NCOA7: variants seen among roughly 807,000 people sequenced by gnomAD.
NCOA7 encodes nuclear receptor coactivator 7, also known as 140 kDa estrogen receptor-associated protein.
In NCOA7, 45 loss-of-function variants were observed where a neutral mutation model predicts 104.3. That is an observed-to-expected ratio of 0.43 (90% CI 0.34 to 0.55). NCOA7 has a LOEUF of 0.55. Among genes scored for constraint, NCOA7 ranks in the 20% least tolerant of loss-of-function variants. The pLI is 0.02. For missense variants in NCOA7, 1,041 were observed against 1,119.7 expected, an observed-to-expected ratio of 0.93 and a Z score of 1.00; for synonymous variants, 398 against 402.3, an observed-to-expected ratio of 0.99 and a Z score of 0.13.
intron 2 of NCOA7, chr6:125,818,911 CAAGGG>C (rs1777865213): frequency 6.6e-6 from 1 of 152,284 alleles, no homozygotes; most frequent in Non-Finnish European, 1.5e-5. Flanking sequence ...AATGTCAGGC[CAAGGG>C]TGAGGCCAAA....
At chr6:125,856,681 C>T (rs1157115305) in intron 3 of NCOA7, among the ~76,000 whole-genome samples, 1 of 151,628 alleles carries the variant, frequency 6.6e-6, no homozygotes, top group Non-Finnish European at 1.5e-5. Flanking sequence ...AACCTTCCAA[C>T]AGTGTTGGAA....
At chr6:125,877,064 G>A (rs1279130329) in intron 4 of NCOA7, among the ~76,000 whole-genome samples, 1 of 152,152 alleles carries the variant, frequency 6.6e-6, no homozygotes, top group Non-Finnish European at 1.5e-5. Context: ...TTTTAGTGGA[G>A]ATGGTTTTAC....
chr6:125,829,390 T>C (rs1778949054), intron 2 of NCOA7, among the ~76,000 whole-genome samples: 1 of 152,236 alleles, frequency 6.6e-6, no homozygotes, highest in Admixed American at 6.5e-5. Context: ...GATTTTAATA[T>C]ATTAGTGTAT....
intron 3 of NCOA7, among the ~76,000 whole-genome samples, chr6:125,855,787 A>C (rs1781501106): frequency 6.6e-6 from 1 of 151,790 alleles, no homozygotes; most frequent in East Asian, 1.9e-4. Context: ...AGGTTCAAGC[A>C]ATTCTCCTGC....
intron 10 of NCOA7, 45 bp downstream of exon 10, chr6:125,890,855 G>T: frequency 7.0e-7 from 1 of 1,419,534 alleles, no homozygotes; most frequent in South Asian, 1.7e-5. Context: ...TGTTAGGTTT[G>T]GATGGCGTTT....
chr6:125,798,335 C>T (rs963294605), intron 1 of NCOA7, among the ~76,000 whole-genome samples: 1 of 152,230 alleles, frequency 6.6e-6, no homozygotes, highest in African/African-American at 2.4e-5. Flanking sequence ...TTATTTTCTC[C>T]ACACTTTGAG....
At position 125,928,839 on chromosome 6, in the gene NCOA7, G is replaced by A; in HGVS notation, c.*68G>A. On this transcript the variant is annotated 3_prime_UTR_variant, in exon 16 of 16. Coordinates refer to ENST00000392477, the MANE Select transcript of NCOA7 (RefSeq NM_181782.5). Reference sequence around the variant, plus strand: ...CGATCAGCCCTCCTAAAGCTGGCTGGAAAAAGAAGCCCCAGCCCAGCCTGC... The same window carrying A: ...CGATCAGCCCTCCTAAAGCTGGCTGAAAAAAGAAGCCCCAGCCCAGCCTGC... The A allele has an allele frequency of 6.5e-7, 1 of 1,534,558 alleles. No individual in the cohort carries two copies. The highest frequency in any genetic ancestry group is 1.3e-5 in the South Asian group (1 of 78,470).
upstream of NCOA7, among the ~76,000 whole-genome samples, chr6:125,787,945 C>G (rs1004933439): frequency 1.3e-5 from 2 of 152,160 alleles, no homozygotes; most frequent in African/African-American, 4.8e-5. Context: ...AAAGCATATC[C>G]TTTACGGATA....
intron 1 of NCOA7, among the ~76,000 whole-genome samples, chr6:125,808,247 C>T (rs2128561140): frequency 6.6e-6 from 1 of 152,298 alleles, no homozygotes; most frequent in Non-Finnish European, 1.5e-5. Context: ...TGGGAAACTC[C>T]TGCATCTCCT....
chr6:125,919,117 T>C, intron 11 of NCOA7: 5 of 793,986 alleles, frequency 6.3e-6, no homozygotes, highest in Non-Finnish European at 9.4e-6. Context: ...AAGTGTCCTT[T>C]TACAGTCTCA....
chr6:125,817,608 AT>A (rs1449281245), intron 2 of NCOA7, among the ~76,000 whole-genome samples: 1 of 152,078 alleles, frequency 6.6e-6, no homozygotes, highest in Non-Finnish European at 1.5e-5. Flanking sequence ...CCATTTTCTA[AT>A]TGAATTGTTT....
At chr6:125,815,611 A>G (rs998685897) in intron 2 of NCOA7, among the ~76,000 whole-genome samples, 2 of 152,182 alleles carry the variant, frequency 1.3e-5, no homozygotes, top group Non-Finnish European at 2.9e-5. Flanking sequence ...TAGCTTTGAC[A>G]CTTCTCTCAG....
chr6:125,847,092 C>A (rs946616999), intron 2 of NCOA7, among the ~76,000 whole-genome samples: 1 of 152,124 alleles, frequency 6.6e-6, no homozygotes. Flanking sequence ...TGTAATTGTA[C>A]ATGGTATAAA....
Position 125,925,307 on chromosome 6 carries a change from A to G in NCOA7, c.2524-2356A>G, listed in dbSNP as rs148354994. On this transcript the variant is annotated intron_variant, in intron 13 of 15. Transcript: ENST00000392477. ...TGGTGTTAAGAAGAAGGCTGTAGCC[A>G]TGAAGGCAACAAATTAAACTGTAGA... Among the ~76,000 whole-genome samples the G allele has an allele frequency of 6.0e-3, 909 of 152,356 alleles. 9 individuals carry two copies. Among genetic ancestry groups the G allele is most frequent in the African/African-American group, 0.02 (851 of 41,586 alleles).
chr6:125,895,039 C>T (rs1056224903), intron 10 of NCOA7, among the ~76,000 whole-genome samples: 4 of 152,014 alleles, frequency 2.6e-5, no homozygotes, highest in African/African-American at 9.7e-5. Context: ...TTTTAAAAAC[C>T]TCAATTGTCT....
intron 2 of NCOA7, among the ~76,000 whole-genome samples, chr6:125,842,265 G>A (rs893890411): frequency 6.6e-6 from 1 of 152,170 alleles, no homozygotes; most frequent in Non-Finnish European, 1.5e-5. Context: ...TAGTTAACGG[G>A]AAAGTCAGTT....
intron 1 of NCOA7, among the ~76,000 whole-genome samples, chr6:125,809,211 G>A (rs1380919087): frequency 3.3e-5 from 5 of 151,614 alleles, no homozygotes; most frequent in African/African-American, 9.7e-5. Flanking sequence ...TTTTTTGAGA[G>A]AGAGTCTCTC....
At chr6:125,785,222 C>T (rs776770180) in intron 1 of NCOA7, among the ~76,000 whole-genome samples, 2 of 152,098 alleles carry the variant, frequency 1.3e-5, no homozygotes, top group Non-Finnish European at 2.9e-5. Flanking sequence ...CCTGTAATCG[C>T]AGCTACTCGG....
intron 4 of NCOA7, among the ~76,000 whole-genome samples, chr6:125,877,521 A>G (rs767254810): frequency 1.3e-5 from 2 of 152,140 alleles, no homozygotes; most frequent in East Asian, 1.9e-4. Flanking sequence ...CAGGGAGCCA[A>G]CTTTTTTTCT....
Sources: allele counts gnomAD v4.1 joint callset (sites outside exome capture counted in the v4.1 genomes callset), GRCh38; gene constraint gnomAD v4.1.1; transcripts MANE v1.5; gene names NCBI Gene and HGNC (gene_info 2026-07-23, HGNC 2026-07-21).